Variants in ODAD4 observed in about 807,000 individuals in gnomAD.
ODAD4 encodes outer dynein arm docking complex subunit 4.
Under a neutral mutation model 51.8 loss-of-function variants are expected in ODAD4, and 49 were observed. The ratio of observed to expected loss-of-function variants is 0.95; its 90% CI spans 0.75 to 1.20. The LOEUF is 1.20. Among genes scored for constraint, ODAD4 ranks in the 50% most tolerant of loss-of-function variants. ODAD4 has a pLI of 0.00. For missense variants in ODAD4, 590 were observed against 586.5 expected, an observed-to-expected ratio of 1.01 and a Z score of -0.06; for synonymous variants, 235 against 221.3, an observed-to-expected ratio of 1.06 and a Z score of -0.55.
In ODAD4 at chr17:41,965,395, G is replaced by C. The variant is rs1555642519; in HGVS notation, c.1931G>C (p.Arg644Thr). 2.6e-6 allele frequency: 2 copies of C among 780,480 alleles called. No individual in the cohort carries two copies. Among genetic ancestry groups the C allele is most frequent in the African/African-American group, 3.4e-5 (2 of 59,124 alleles). The allele number at this position is 780,480 out of a possible 1,614,324, so 48.3% of individuals were successfully genotyped here. A position where few individuals can be genotyped will look rare whatever the true frequency, so the allele number is the denominator to read the frequency against. The change falls in exon 12 of 12, where the codon AGA becomes ACA. Residue 644 changes from arginine (R) to threonine (T), a missense_variant. By Grantham distance (71) the Arg-to-Thr change is moderately conservative. Transcript: ENST00000377540. The stretch of plus-strand genomic sequence containing the variant: ...AAGAAACTTTCAGAAGTGGGCAGAA[G>C]AGAGCCAGAAGAACTGGGAAAAACA... ...ELKKLSEVGR[R>T]EPEELGKTQF...
At chr17:41,957,227 C>A (rs782279562) in intron 10 of ODAD4, among the ~76,000 whole-genome samples, 3 of 152,116 alleles carry the variant, frequency 2.0e-5, no homozygotes, top group Admixed American at 2.0e-4. Context: ...AGTCCCCAAG[C>A]TTTTTGGCAC....
At chr17:41,936,587 G>A in intron 4 of ODAD4, 53 bp downstream of exon 4, 2 of 1,554,562 alleles carry the variant, frequency 1.3e-6, no homozygotes, top group East Asian at 2.2e-5. Context: ...GGCTATGTGT[G>A]CCTGAGAAGG....
intron 11 of ODAD4, among the ~76,000 whole-genome samples, chr17:41,962,048 G>A (rs1276355885): frequency 6.6e-6 from 1 of 152,224 alleles, no homozygotes; most frequent in Non-Finnish European, 1.5e-5. Context: ...AGGGCCAGAG[G>A]CACAGAGACA....
At chr17:41,960,077 C>T (rs574656808) in intron 10 of ODAD4, among the ~76,000 whole-genome samples, 1 of 152,346 alleles carries the variant, frequency 6.6e-6, no homozygotes, top group African/African-American at 2.4e-5. Flanking sequence ...AGACAGACAG[C>T]ATGGCCGTTC....
At chr17:41,957,359 T>C (rs2050747011) in intron 10 of ODAD4, among the ~76,000 whole-genome samples, 1 of 152,126 alleles carries the variant, frequency 6.6e-6, no homozygotes, top group Non-Finnish European at 1.5e-5. Flanking sequence ...GCATGCAACA[T>C]AGATCCCTCA....
intron 10 of ODAD4, among the ~76,000 whole-genome samples, chr17:41,959,122 T>G (rs1351934806): frequency 2.6e-5 from 4 of 152,176 alleles, no homozygotes; most frequent in Non-Finnish European, 5.9e-5. Context: ...CTAGACTGTG[T>G]CAGGAGGCAG....
chr17:41,946,406 A>G (rs1598081154), intron 8 of ODAD4, among the ~76,000 whole-genome samples: 1 of 151,854 alleles, frequency 6.6e-6, no homozygotes, highest in African/African-American at 2.4e-5. Context: ...GCTCACTGCA[A>G]CCTCTGCCTC....
chr17:41,936,655 G>C, intron 4 of ODAD4, 107 bp from the exon 5 acceptor site: 1 of 1,538,660 alleles, frequency 6.5e-7, no homozygotes, highest in South Asian at 1.1e-5. Context: ...TTGGCCCACA[G>C]AAAGGTCCTG....
In ODAD4 at chr17:41,948,907, G is replaced by A. The variant is rs937568575; in HGVS notation, c.1146-246G>A. On this transcript the variant is annotated intron_variant, in intron 8 of 11. Coordinates refer to ENST00000377540, the MANE Select transcript of ODAD4 (RefSeq NM_031421.5). ...TCTGCCCACTTCAGCCTCCCAAAGCGCTAGAGACATGAGCCACCACGCCAG... is the reference window on the plus strand; with the variant it reads ...TCTGCCCACTTCAGCCTCCCAAAGCACTAGAGACATGAGCCACCACGCCAG... Among the ~76,000 whole-genome samples the A allele has an allele frequency of 2.1e-3, 316 of 152,246 alleles. 4 individuals are homozygous for A. The highest frequency in any genetic ancestry group is 1.1e-3 in the Non-Finnish European group (72 of 68,018).
intron 9 of ODAD4, among the ~76,000 whole-genome samples, chr17:41,950,481 C>A (rs1422724878): frequency 6.6e-6 from 1 of 150,568 alleles, no homozygotes; most frequent in African/African-American, 2.4e-5. Context: ...CTCATGGGTT[C>A]AAATGATTCC....
intron 9 of ODAD4, among the ~76,000 whole-genome samples, chr17:41,949,983 T>C (rs1204703778): frequency 1.3e-5 from 2 of 150,006 alleles, no homozygotes; most frequent in African/African-American, 4.9e-5. Flanking sequence ...CCTGTTTTGT[T>C]TTTTGAGACG....
intron 1 of ODAD4, 72 bp from the exon 2 acceptor site, chr17:41,935,145 G>A: frequency 6.3e-7 from 1 of 1,586,866 alleles, no homozygotes; most frequent in Non-Finnish European, 8.6e-7. Flanking sequence ...GGAGGGTTTG[G>A]GCTGCCCTTC....
intron 7 of ODAD4, among the ~76,000 whole-genome samples, chr17:41,941,622 G>T (rs114257899): frequency 6.6e-6 from 1 of 152,016 alleles, no homozygotes; most frequent in Non-Finnish European, 1.5e-5. Context: ...AAAATTAGCC[G>T]GGCGTAGTGT....
chr17:41,963,976 A>C (rs1279793352), intron 11 of ODAD4, among the ~76,000 whole-genome samples: 1 of 151,226 alleles, frequency 6.6e-6, no homozygotes, highest in East Asian at 1.9e-4. Flanking sequence ...GGCTCACTAC[A>C]ACCTCCGCCT....
chr17:41,946,323 T>TTTTG (rs143044462), intron 8 of ODAD4, among the ~76,000 whole-genome samples: 2 of 152,138 alleles, frequency 1.3e-5, no homozygotes, highest in African/African-American at 2.4e-5. Flanking sequence ...TATCACTTTT[T>TTTTG]TTTGTTTGTT....
chr17:41,953,455 C>A (rs1385516862), intron 9 of ODAD4, among the ~76,000 whole-genome samples: 2 of 152,054 alleles, frequency 1.3e-5, no homozygotes, highest in Non-Finnish European at 2.9e-5. Flanking sequence ...CTTGGATATA[C>A]TCAATTGTAA....
Position 41,930,852 on chromosome 17 carries a change from C to A in ODAD4, c.114+15C>A. 8.7e-6 allele frequency: 7 copies of A among 808,782 alleles called. No individual in the cohort carries two copies. The highest frequency in any genetic ancestry group is 1.4e-5 in the Non-Finnish European group (7 of 507,878). The allele number at this position is 808,782 out of a possible 1,614,324, so 50.1% of individuals were successfully genotyped here. A position where few individuals can be genotyped will look rare whatever the true frequency, so the allele number is the denominator to read the frequency against. Reference sequence around the variant, plus strand: ...GCTTCAGCAACGTGAGTCGAGCTCTCAACCTATCCATCACCCCATCACCCG... The same window carrying A: ...GCTTCAGCAACGTGAGTCGAGCTCTAAACCTATCCATCACCCCATCACCCG... On this transcript the variant is annotated intron_variant, in intron 1 of 11. Coordinates refer to ENST00000377540, the MANE Select transcript of ODAD4 (RefSeq NM_031421.5).
In ODAD4 at chr17:41,939,188, G is replaced by C; in HGVS notation, c.1058+16G>C. ...CCAAGGAATAGTGAGTGCCCTAGGGGAGGCCACTGGCGTGAGCCTACGGAG... is the reference window on the plus strand; with the variant it reads ...CCAAGGAATAGTGAGTGCCCTAGGGCAGGCCACTGGCGTGAGCCTACGGAG... On this transcript the variant is annotated intron_variant, in intron 7 of 11. Coordinates refer to ENST00000377540, the MANE Select transcript of ODAD4 (RefSeq NM_031421.5). The C allele has an allele frequency of 2.5e-6, 4 of 1,608,990 alleles. No homozygotes were observed. The highest frequency in any genetic ancestry group is 3.4e-6 in the Non-Finnish European group (4 of 1,177,480).
chr17:41,942,966 A>C (rs782615401), intron 7 of ODAD4, among the ~76,000 whole-genome samples: 6 of 152,058 alleles, frequency 3.9e-5, no homozygotes, highest in Admixed American at 6.6e-5. Context: ...AGGCCCAAGC[A>C]ATCTTCCTAC....
Sources: gnomAD v4.1 joint callset for allele counts (sites outside exome capture counted in the v4.1 genomes callset) on GRCh38, gnomAD v4.1.1 for gene constraint, MANE v1.5 for transcripts, NCBI Gene and HGNC (gene_info 2026-07-23, HGNC 2026-07-21) for gene names.